The following WNT2B variants were observed in gnomAD, a reference collection of about 807,000 sequenced individuals.
WNT2B encodes protein Wnt-2b.
WNT2B carries 19 observed loss-of-function variants against 40.5 expected under a neutral mutation model. The ratio of observed to expected loss-of-function variants is 0.47; its 90% CI spans 0.33 to 0.69. The LOEUF is 0.69. Among genes scored for constraint, WNT2B ranks in the 30% least tolerant of loss-of-function variants. The pLI is 0.02. For missense variants in WNT2B, 467 were observed against 556.4 expected (o/e 0.84, Z 1.62); for synonymous variants, 220 against 211.9 (o/e 1.04, Z -0.33).
At chr1:112,508,272 G>C (rs972331066), upstream of WNT2B, among the ~76,000 whole-genome samples, 1 of 151,748 alleles carries the variant, frequency 6.6e-6, no homozygotes, top group Non-Finnish European at 1.5e-5. The surrounding 1 kb of genome is among the most constrained non-coding windows in gnomAD (Gnocchi z 4.2). Flanking sequence ...GTAAGGGGCG[G>C]GGAGTCCGCA....
In WNT2B at chr1:112,509,301, C is replaced by T. The variant is rs1180180156; in HGVS notation, c.39C>T (p.Leu13=). The T allele has an allele frequency of 1.3e-6, 2 of 1,555,306 alleles. No individual in the cohort carries two copies. Among genetic ancestry groups the T allele is most frequent in the Non-Finnish European group, 1.7e-6 (2 of 1,156,594 alleles). The change falls in exon 1 of 5, where the codon CTC becomes CTT. Residue 13 remains leucine, a synonymous_variant. Transcript: ENST00000369684. This position sits in a 1 kb window ranked among gnomAD's most constrained non-coding sequence, Gnocchi z 4.2. The part of the protein sequence containing the change: ...RPGGAEEAAQ[L]PLRRASAPVP... ...GTGGTGCGGAGGAAGCTGCGCAGCTCCCGCTTCGGCGCGCCAGCGCCCCGG... is the reference window on the plus strand; with the variant it reads ...GTGGTGCGGAGGAAGCTGCGCAGCTTCCGCTTCGGCGCGCCAGCGCCCCGG...
chr1:112,478,576 GA>G (rs779297437), intron 1 of WNT2B, among the ~76,000 whole-genome samples: 14 of 150,464 alleles, frequency 9.3e-5, no homozygotes, highest in African/African-American at 1.5e-4. Flanking sequence ...AGTACTGAAA[GA>G]AAAAAAAATG....
At chr1:112,490,162 G>C (rs183388161) in intron 1 of WNT2B, among the ~76,000 whole-genome samples, 2 of 152,210 alleles carry the variant, frequency 1.3e-5, no homozygotes, top group East Asian at 3.9e-4. Context: ...ACAGGTCGAT[G>C]ATGATCAGTG....
Position 112,509,256 on chromosome 1 carries a change from G to C in WNT2B, c.-7G>C. The stretch of plus-strand genomic sequence containing the variant: ...CCGGGCTGCGCGGCGGGAGTCTTCG[G>C]GGAGCTATGCTGAGACCGGGTGGTG... On this transcript the variant is annotated 5_prime_UTR_variant, in exon 1 of 5. Coordinates refer to ENST00000369684, the MANE Select transcript of WNT2B (RefSeq NM_024494.3). This position sits in a 1 kb window ranked among gnomAD's most constrained non-coding sequence, Gnocchi z 4.2. 6.6e-7 allele frequency: 1 copy of C among 1,516,436 alleles called. No individual in the cohort carries two copies. Among genetic ancestry groups the C allele is most frequent in the East Asian group, 2.6e-5 (1 of 38,556 alleles). The allele number at this position is 1,516,436 out of a possible 1,614,324, so 93.9% of individuals were successfully genotyped here.
At chr1:112,475,715 A>C (rs1651035702) in intron 1 of WNT2B, among the ~76,000 whole-genome samples, 1 of 152,198 alleles carries the variant, frequency 6.6e-6, no homozygotes, top group Non-Finnish European at 1.5e-5. Flanking sequence ...ATAAGGCAAC[A>C]AAGAAGATAA....
At chr1:112,501,956 G>A (rs1651967923) in intron 1 of WNT2B, among the ~76,000 whole-genome samples, 1 of 152,264 alleles carries the variant, frequency 6.6e-6, no homozygotes, top group East Asian at 1.9e-4. Flanking sequence ...AGAAGACGAA[G>A]CTCAGGCTGC....
rs142592206 is a variant in WNT2B, at chr1:112,483,525, A to G, written c.-95+15934A>G. On this transcript the variant is annotated intron_variant, in intron 1 of 4. Transcript: ENST00000256640. ...TAAAAGCTAAAACCATAAAACTCCT[A>G]GAAGAAAACATAGGGGAACATTTTC... 3.5e-3 allele frequency among the ~76,000 whole-genome samples: 527 copies of G among 152,246 alleles called. 6 individuals carry two copies. Among genetic ancestry groups the G allele is most frequent in the African/African-American group, 0.012 (500 of 41,520 alleles).
In WNT2B at chr1:112,517,114, C is replaced by G. The variant is rs1238032793; in HGVS notation, c.682-7C>G. The stretch of plus-strand genomic sequence containing the variant: ...CTTCTCCCTTAACTGCCTTCCCCCT[C>G]CCCCAGGCTGTGCGGCGGTTTCTGA... On this transcript the variant is annotated splice_region_variant and splice_polypyrimidine_tract_variant and intron_variant, in intron 3 of 4. Coordinates refer to ENST00000369684, the MANE Select transcript of WNT2B (RefSeq NM_024494.3). The G allele has an allele frequency of 1.2e-6, 2 of 1,608,488 alleles. No homozygotes were observed. Among genetic ancestry groups the G allele is most frequent in the South Asian group, 1.1e-5 (1 of 90,784 alleles).
In WNT2B at chr1:112,517,172, T is replaced by C; in HGVS notation, c.733T>C (p.Ser245Pro). 1 of 1,614,190 alleles carries C rather than the reference T, an allele frequency of 6.2e-7. No individual in the cohort carries two copies. Among genetic ancestry groups the C allele is most frequent in the Non-Finnish European group, 8.5e-7 (1 of 1,180,030 alleles). The change falls in exon 4 of 5, where the codon TCC (serine) becomes CCC (proline). Residue 245 changes from serine to proline, a missense_variant. Around this residue, in one of 2 missense-constraint regions of WNT2B, gnomAD observed 330 missense variants for 438.6 expected, o/e 0.75. Coordinates refer to ENST00000369684, the MANE Select transcript of WNT2B (RefSeq NM_024494.3). ...GTGTAAGTGCCATGGCGTGAGTGGTTCCTGTACTCTGCGCACCTGCTGGCG... is the reference window on the plus strand; with the variant it reads ...GTGTAAGTGCCATGGCGTGAGTGGTCCCTGTACTCTGCGCACCTGCTGGCG... ...LECKCHGVSG[S>P]CTLRTCWRAL...
chr1:112,526,211 GC>G lies in WNT2B; in HGVS notation c.*5705del. ...CACAGTTTACAAAGGAACAGCCTAG[GC>G]CCTCCTGAACCTTATCAACCAATGG... On this transcript the variant is annotated 3_prime_UTR_variant, in exon 5 of 5. Transcript: ENST00000369684. 6.5e-7 allele frequency: 1 copy of G among 1,537,866 alleles called. No individual in the cohort carries two copies.
Position 112,470,493 on chromosome 1 carries a change from G to T in WNT2B, c.-95+2902G>T, listed in dbSNP as rs1487944282. ...AGTCCCAGCTACTTGGCAGGCTGAG[G>T]TGTGAGATCACTTGAGCCCAGGAGG... On this transcript the variant is annotated intron_variant, in intron 1 of 4. Transcript: ENST00000256640. 3.3e-5 allele frequency among the ~76,000 whole-genome samples: 5 copies of T among 152,114 alleles called. No homozygotes were observed. In the South Asian group the frequency reaches 6.2e-4, roughly 19 times the overall value.
intron 1 of WNT2B, among the ~76,000 whole-genome samples, chr1:112,495,837 A>C (rs1049832127): frequency 2.6e-5 from 4 of 152,210 alleles, no homozygotes; most frequent in African/African-American, 9.6e-5. Flanking sequence ...CAGGCTGGGA[A>C]GTCCAAGATC....
chr1:112,491,075 T>G (rs1651586792), intron 1 of WNT2B: 3 of 1,613,796 alleles, frequency 1.9e-6, no homozygotes, highest in Non-Finnish European at 2.5e-6. Flanking sequence ...AACAAGTGTT[T>G]GCAAAGGTAC....
At chr1:112,490,186 A>G (rs1651552713) in intron 1 of WNT2B, among the ~76,000 whole-genome samples, 1 of 152,138 alleles carries the variant, frequency 6.6e-6, no homozygotes, top group Non-Finnish European at 1.5e-5. Context: ...AGAACTAAGC[A>G]GTAGCATTAA....
chr1:112,507,793 G>A (rs1652161496), upstream of WNT2B, among the ~76,000 whole-genome samples: 1 of 152,246 alleles, frequency 6.6e-6, no homozygotes, highest in African/African-American at 2.4e-5. Context: ...TGCGAGGTGG[G>A]AGAAACTGAG....
upstream of WNT2B, among the ~76,000 whole-genome samples, chr1:112,504,464 C>CT (rs1440448410): frequency 6.6e-6 from 1 of 152,148 alleles, no homozygotes; most frequent in Admixed American, 6.5e-5. Flanking sequence ...GGTCTGGCCT[C>CT]TTTGAGACAC....
chr1:112,477,579 A>G (rs1377282158), intron 1 of WNT2B, among the ~76,000 whole-genome samples: 2 of 152,238 alleles, frequency 1.3e-5, no homozygotes, highest in African/African-American at 4.8e-5. Context: ...ATAATTCAAA[A>G]TAATTGTTTA....
At chr1:112,512,911 A>G (rs1259218262) in intron 1 of WNT2B, among the ~76,000 whole-genome samples, 1 of 152,196 alleles carries the variant, frequency 6.6e-6, no homozygotes, top group African/African-American at 2.4e-5. Context: ...ACATTTAATT[A>G]TCTTCCCATC....
chr1:112,508,959 C>T (rs1652231500), upstream of WNT2B: 3 of 1,216,174 alleles, frequency 2.5e-6, no homozygotes, highest in African/African-American at 3.2e-5. This position sits in a 1 kb window ranked among gnomAD's most constrained non-coding sequence, Gnocchi z 4.2. Flanking sequence ...GCCGAAGGGG[C>T]TGTCCGCACA....
Sources: allele counts gnomAD v4.1 joint callset (sites outside exome capture counted in the v4.1 genomes callset), GRCh38; gene constraint gnomAD v4.1.1; regional missense constraint gnomAD v4.1.1; non-coding constraint Gnocchi (gnomAD v3.1); transcripts MANE v1.5; gene names NCBI Gene and HGNC (gene_info 2026-07-23, HGNC 2026-07-21).